The following CCDC191 variants were observed in gnomAD, a reference collection of about 807,000 sequenced individuals.
The protein encoded by CCDC191 is coiled-coil domain containing 191.
In CCDC191, 99 loss-of-function variants were observed where a neutral mutation model predicts 114.0. The observed-to-expected ratio is 0.87, with a 90% confidence interval of 0.74 to 1.03. CCDC191 has a LOEUF of 1.03. Ranked by LOEUF, CCDC191 falls within the 50% of genes least tolerant of loss-of-function variation. CCDC191 has a pLI of 0.00. For synonymous variants in CCDC191, 351 were observed against 376.0 expected (o/e 0.93, Z 0.77); for missense variants, 973 against 1,087.0 (o/e 0.90, Z 1.47).
chr3:114,001,759 AT>A, intron 12 of CCDC191, 63 bp from the exon 13 acceptor site: 1 of 1,598,924 alleles, frequency 6.3e-7, no homozygotes, highest in Non-Finnish European at 8.5e-7. Context: ...GTGATCTTTT[AT>A]GTTTAGGATA....
chr3:114,043,722 C>T (rs764257500), intron 3 of CCDC191, among the ~76,000 whole-genome samples: 2 of 152,052 alleles, frequency 1.3e-5, no homozygotes, highest in South Asian at 2.1e-4. Context: ...GGGATAAGCA[C>T]GGAGGTAGGG....
At chr3:114,045,733 C>G (rs1052526511) in intron 3 of CCDC191, among the ~76,000 whole-genome samples, 1 of 152,274 alleles carries the variant, frequency 6.6e-6, no homozygotes, top group African/African-American at 2.4e-5. Flanking sequence ...TGCAGCACAC[C>G]ATGCCTGTCT....
At chr3:114,006,040 T>C in intron 9 of CCDC191, 78 bp from the exon 10 acceptor site, 3 of 1,305,538 alleles carry the variant, frequency 2.3e-6, no homozygotes, top group Non-Finnish European at 3.3e-6. Flanking sequence ...GAGGTCAGTA[T>C]TGTTTTGTTT....
At chr3:114,019,705 T>C (rs965972672) in intron 7 of CCDC191, among the ~76,000 whole-genome samples, 2 of 152,206 alleles carry the variant, frequency 1.3e-5, no homozygotes, top group Admixed American at 1.3e-4. Flanking sequence ...GTTTTTGCCA[T>C]TGCTTTTCAT....
intron 2 of CCDC191, among the ~76,000 whole-genome samples, chr3:114,048,587 A>G (rs1450217273): frequency 6.6e-6 from 1 of 151,986 alleles, no homozygotes; most frequent in Non-Finnish European, 1.5e-5. Flanking sequence ...CTGCTCTCCT[A>G]CAGATACGCA....
At chr3:113,972,665 C>T (rs900858573) in intron 16 of CCDC191, among the ~76,000 whole-genome samples, 6 of 152,216 alleles carry the variant, frequency 3.9e-5, no homozygotes, top group African/African-American at 1.4e-4. Flanking sequence ...CTGAGAGTGG[C>T]GTGTTGAAGT....
At chr3:114,051,172 C>G (rs1242691063) in intron 2 of CCDC191, among the ~76,000 whole-genome samples, 1 of 152,136 alleles carries the variant, frequency 6.6e-6, no homozygotes, top group Non-Finnish European at 1.5e-5. Context: ...AACTGATAAC[C>G]CCTTCTCCAA....
intron 4 of CCDC191, among the ~76,000 whole-genome samples, chr3:114,040,077 C>A (rs1192996754): frequency 6.6e-6 from 1 of 152,070 alleles, no homozygotes; most frequent in Admixed American, 6.6e-5. Context: ...CATTTTTTAC[C>A]CTTTATATAC....
intron 11 of CCDC191, 197 bp downstream of exon 11, chr3:114,004,440 G>A: frequency 8.8e-7 from 1 of 1,140,120 alleles, no homozygotes; most frequent in East Asian, 4.7e-5. Context: ...AAAAAGGTTG[G>A]CAAAAGGGGC....
chr3:113,973,596 G>GT (rs61420341), intron 16 of CCDC191, among the ~76,000 whole-genome samples: 48,971 of 145,400 alleles, frequency 0.34, 8,784 homozygotes, highest in Middle Eastern at 0.51. Context: ...TGGATGGCAG[G>GT]TTTTTTTTTT....
chr3:114,048,226 C>G (rs2107759116), intron 2 of CCDC191, among the ~76,000 whole-genome samples: 1 of 152,282 alleles, frequency 6.6e-6, no homozygotes, highest in Admixed American at 6.5e-5. Flanking sequence ...CCATCACCTC[C>G]ATTGCTACCA....
At chr3:114,010,727 C>T (rs200345500) in intron 9 of CCDC191, 45 bp downstream of exon 9, 2 of 1,551,708 alleles carry the variant, frequency 1.3e-6, no homozygotes, top group East Asian at 4.5e-5. Flanking sequence ...TATAAAAGCA[C>T]AAACCTCAAA....
At chr3:114,013,517 C>T (rs1436484036) in intron 8 of CCDC191, among the ~76,000 whole-genome samples, 3 of 152,160 alleles carry the variant, frequency 2.0e-5, no homozygotes, top group Non-Finnish European at 4.4e-5. Context: ...ATGCAACTTA[C>T]TTTGGTATGC....
At chr3:114,001,960 T>A (rs2075864122) in intron 12 of CCDC191, among the ~76,000 whole-genome samples, 1 of 152,200 alleles carries the variant, frequency 6.6e-6, no homozygotes, top group South Asian at 2.1e-4. Flanking sequence ...AAATGATTAC[T>A]TTTTAGTTCT....
chr3:114,001,829 A>G, intron 12 of CCDC191, 133 bp from the exon 13 acceptor site: 1 of 1,118,664 alleles, frequency 8.9e-7, no homozygotes, highest in Non-Finnish European at 1.3e-6. Context: ...TTTTGTGATA[A>G]AAGTAGAAAA....
chr3:114,054,595 C>T (rs554118806), intron 1 of CCDC191, among the ~76,000 whole-genome samples: 39 of 152,326 alleles, frequency 2.6e-4, no homozygotes, highest in South Asian at 1.0e-3. Context: ...CGAGATTGCA[C>T]CACTGCGCTC....
At chr3:113,983,808 C>T (rs1487708206) in intron 13 of CCDC191, among the ~76,000 whole-genome samples, 2 of 152,162 alleles carry the variant, frequency 1.3e-5, no homozygotes, top group African/African-American at 4.8e-5. Flanking sequence ...ATTTTTTCAA[C>T]CGCAAACTTC....
chr3:114,020,736 T>C (rs1577431084), intron 7 of CCDC191, among the ~76,000 whole-genome samples: 1 of 152,144 alleles, frequency 6.6e-6, no homozygotes, highest in East Asian at 1.9e-4. Context: ...CCTTAAGAGA[T>C]TCCTCTTGAA....
chr3:113,995,335 C>T (rs2075690720), intron 13 of CCDC191, among the ~76,000 whole-genome samples: 1 of 152,094 alleles, frequency 6.6e-6, no homozygotes, highest in African/African-American at 2.4e-5. Flanking sequence ...GAGGGGTATA[C>T]AGAGGAAGTT....
Sources: allele counts gnomAD v4.1 joint callset (sites outside exome capture counted in the v4.1 genomes callset), GRCh38; gene constraint gnomAD v4.1.1; transcripts MANE v1.5; gene names NCBI Gene and HGNC (gene_info 2026-07-23, HGNC 2026-07-21).